Variants in PTPRT observed in about 807,000 individuals in gnomAD.
The protein encoded by PTPRT is protein tyrosine phosphatase receptor type T.
In PTPRT, 56 loss-of-function variants were observed where a neutral mutation model predicts 176.8. The ratio of observed to expected loss-of-function variants is 0.32; its 90% confidence interval spans 0.26 to 0.40. The LOEUF is 0.40. Ranked by LOEUF, PTPRT falls within the 10% of genes least tolerant of loss-of-function variation. The pLI is 1.00. For missense variants in PTPRT, 1,540 were observed against 1,908.2 expected, an observed-to-expected ratio of 0.81 and a Z score of 3.60; for synonymous variants, 783 against 739.0, an observed-to-expected ratio of 1.06 and a Z score of -0.96.
At chr20:42,722,104 T>C (rs1214402445) in intron 6 of PTPRT, among the ~76,000 whole-genome samples, 1 of 152,094 alleles carries the variant, frequency 6.6e-6, no homozygotes, top group Non-Finnish European at 1.5e-5. Context: ...CCTCTTTGCT[T>C]CCTCCCAAGT....
intron 9 of PTPRT, among the ~76,000 whole-genome samples, chr20:42,435,574 T>C (rs2059255453): frequency 6.6e-6 from 1 of 152,104 alleles, no homozygotes; most frequent in African/African-American, 2.4e-5. Flanking sequence ...TGCAAGTCTT[T>C]CAGACCTAAG....
At position 42,957,278 on chromosome 20, in the gene PTPRT, T is replaced by C. The variant is rs140497304; in HGVS notation, c.89-71346A>G. ...GCAGTACACGGCAAGCCAATCTAAT[T>C]AGGGGCCCTCGTAAACGTCACCTGC... On this transcript the variant is annotated intron_variant, in intron 1 of 30. Transcript: ENST00000373187. Among the ~76,000 whole-genome samples the C allele has an allele frequency of 4.7e-4, 71 of 152,310 alleles. 1 individual carries two copies. In the East Asian group the frequency reaches 0.013, roughly 27 times the overall value.
chr20:42,408,605 G>GT (rs200172599), intron 9 of PTPRT, among the ~76,000 whole-genome samples: 43,848 of 122,630 alleles, frequency 0.36, 6,729 homozygotes, highest in African/African-American at 0.41. Flanking sequence ...TCTATCCTGT[G>GT]TTTTTTTTTT....
At chr20:43,188,927 TG>T in intron 1 of PTPRT, among the ~76,000 whole-genome samples, 1 of 151,948 alleles carries the variant, frequency 6.6e-6, no homozygotes, top group Non-Finnish European at 1.5e-5. Flanking sequence ...CGCCTTCCCG[TG>T]GCCAAACCCA....
chr20:42,381,505 T>G (rs562791931), intron 9 of PTPRT, among the ~76,000 whole-genome samples: 6 of 152,310 alleles, frequency 3.9e-5, no homozygotes, highest in Admixed American at 1.3e-4. Context: ...ACATTTGATG[T>G]TTTAACATAT....
In PTPRT at chr20:42,098,535, G is replaced by A. The variant is rs754824702; in HGVS notation, c.3732C>T (p.Ala1244=). The A allele has an allele frequency of 1.5e-5, 25 of 1,614,108 alleles. No individual in the cohort carries two copies. The East Asian group carries it at 2.0e-4, about 13-fold the overall frequency. The change falls in exon 27 of 31, where the codon GCC becomes GCT. Residue 1244 remains alanine (A), a synonymous_variant. Coordinates refer to ENST00000373187, the MANE Select transcript of PTPRT (RefSeq NM_007050.6). The part of the protein sequence containing the change: ...AALMDSHKQP[A]AFVVTQHPLP... The stretch of plus-strand genomic sequence containing the variant: ...GAGGGTGCTGGGTGACCACGAAGGC[G>A]GCAGGCTGCTTGTGGCTCTGACAAA...
chr20:43,069,207 G>C (rs1254351169), intron 1 of PTPRT, among the ~76,000 whole-genome samples: 2 of 152,084 alleles, frequency 1.3e-5, no homozygotes, highest in African/African-American at 2.4e-5. Context: ...ATTCAGATAG[G>C]ATGTCTCTAA....
chr20:42,614,136 C>G (rs2074022417), intron 7 of PTPRT, among the ~76,000 whole-genome samples: 1 of 152,098 alleles, frequency 6.6e-6, no homozygotes, highest in South Asian at 2.1e-4. Flanking sequence ...TGGTGGTTTG[C>G]TGGCAATCTC....
chr20:42,061,111 CAAGT>C, the PTPRT span, among the ~76,000 whole-genome samples: 1 of 152,176 alleles, frequency 6.6e-6, no homozygotes, highest in Non-Finnish European at 1.5e-5. Context: ...GCGGTAGTGA[CAAGT>C]AAACCTTCAC....
chr20:42,673,645 G>A (rs2075449650), intron 7 of PTPRT, among the ~76,000 whole-genome samples: 1 of 152,106 alleles, frequency 6.6e-6, no homozygotes, highest in South Asian at 2.1e-4. Flanking sequence ...GGAGCATTTT[G>A]GGGCCTCTTT....
intron 15 of PTPRT, among the ~76,000 whole-genome samples, chr20:42,209,379 A>G (rs1219369395): frequency 1.3e-5 from 2 of 152,082 alleles, no homozygotes; most frequent in African/African-American, 2.4e-5. Context: ...GAAAGGATCT[A>G]CAAAATTGAT....
intron 1 of PTPRT, among the ~76,000 whole-genome samples, chr20:43,140,104 T>C (rs1016994796): frequency 4.6e-5 from 7 of 152,226 alleles, no homozygotes; most frequent in Non-Finnish European, 7.3e-5. Flanking sequence ...AGTGATAATT[T>C]ATGCAAAAAA....
chr20:42,549,678 G>GT (rs1230331811), intron 7 of PTPRT, among the ~76,000 whole-genome samples: 1 of 152,182 alleles, frequency 6.6e-6, no homozygotes, highest in Admixed American at 6.5e-5. Context: ...AGAGCCATGT[G>GT]TAAACACATG....
chr20:42,818,378 T>C (rs935834640), intron 2 of PTPRT, among the ~76,000 whole-genome samples: 3 of 151,568 alleles, frequency 2.0e-5, no homozygotes, highest in Non-Finnish European at 4.4e-5. Flanking sequence ...AAAAAACCCA[T>C]TCAAGGGTCA....
At chr20:42,902,091 C>A (rs2079412603) in intron 1 of PTPRT, among the ~76,000 whole-genome samples, 1 of 152,134 alleles carries the variant, frequency 6.6e-6, no homozygotes, top group Non-Finnish European at 1.5e-5. Context: ...ATGCAGGAAA[C>A]CAGGAGATGG....
intron 1 of PTPRT, among the ~76,000 whole-genome samples, chr20:43,133,891 T>C (rs2013732209): frequency 6.6e-6 from 1 of 152,128 alleles, no homozygotes. Flanking sequence ...GCCTGGGAAC[T>C]GGCATTTCTC....
rs573086833 is a variant in PTPRT at position 42,729,490 on chromosome 20, G to A, written c.859+26972C>T. 5.9e-5 allele frequency among the ~76,000 whole-genome samples: 9 copies of A among 152,350 alleles called. No homozygotes were observed. In the South Asian group the frequency reaches 1.0e-3, roughly 18 times the overall value. On this transcript the variant is annotated intron_variant, in intron 6 of 30. Coordinates refer to ENST00000373187, the MANE Select transcript of PTPRT (RefSeq NM_007050.6). ...GAACAGGACTGAGATGTGGGATTCCGTCAGCTCTCGCTGCATGCAAGGACA... is the reference window on the plus strand; with the variant it reads ...GAACAGGACTGAGATGTGGGATTCCATCAGCTCTCGCTGCATGCAAGGACA...
intron 7 of PTPRT, among the ~76,000 whole-genome samples, chr20:42,489,045 TGTGTGTGTGTGTG>T (rs2071514367): frequency 1.4e-5 from 2 of 141,724 alleles, no homozygotes; most frequent in Non-Finnish European, 3.0e-5. Flanking sequence ...TGTGTGTGTG[TGTGTGTGTGTGTG>T]TTCTTTGCTG....
chr20:42,415,713 T>C (rs1350245350), intron 9 of PTPRT, among the ~76,000 whole-genome samples: 1 of 152,206 alleles, frequency 6.6e-6, no homozygotes, highest in Non-Finnish European at 1.5e-5. Context: ...GAAATTCTTA[T>C]TTTAAGTTTG....
Sources: gnomAD v4.1 joint callset for allele counts (sites outside exome capture counted in the v4.1 genomes callset) on GRCh38, gnomAD v4.1.1 for gene constraint, MANE v1.5 for transcripts, NCBI Gene and HGNC (gene_info 2026-07-23, HGNC 2026-07-21) for gene names.